DLC1: variants seen among roughly 807,000 people sequenced by gnomAD.
DLC1 encodes DLC1 Rho GTPase activating protein.
A neutral mutation model predicts 140.3 loss-of-function variants in DLC1; 54 were observed. The ratio of observed to expected loss-of-function variants is 0.38; its 90% CI spans 0.31 to 0.48. The LOEUF (loss-of-function observed/expected upper bound fraction) is 0.48. Ranked by LOEUF, DLC1 falls within the 20% of genes least tolerant of loss-of-function variation. DLC1 has a pLI of 0.96. For missense variants in DLC1, 2,536 were observed against 1,907.0 expected, an observed-to-expected ratio of 1.33 and a Z score of -6.14; for synonymous variants, 986 against 728.1, an observed-to-expected ratio of 1.35 and a Z score of -5.70.
In DLC1 at chr8:13,499,801, G is replaced by A. The variant is rs1292972882; in HGVS notation, c.271C>T (p.His91Tyr). The A allele has an allele frequency of 6.2e-7, 1 of 1,613,858 alleles. No individual in the cohort carries two copies. Among genetic ancestry groups the A allele is most frequent in the East Asian group, 2.2e-5 (1 of 44,884 alleles). Residue 91 changes from histidine (H) to tyrosine (Y), a missense_variant, in exon 2 of 18, where the codon CAT becomes TAT. Transcript: ENST00000276297. ...LSKDVDENDS[H>Y]EGEDQFLSLE... is the part of the protein sequence containing the mutation. The stretch of plus-strand genomic sequence containing the variant: ...GAAAGAAACTGATCTTCACCTTCAT[G>A]GCTGTCATTTTCGTCCACATCCTTT...
rs113086450 is a variant in DLC1, at chr8:13,099,327, G to T, written c.2990+20C>A. On this transcript the variant is annotated intron_variant, in intron 9 of 17. Transcript: ENST00000276297. ...TGACCCCCAGTGCCCCACACCCGGAGGCAGGAGAAAAGTTCTTACCTGTTG... is the reference window on the plus strand; with the variant it reads ...TGACCCCCAGTGCCCCACACCCGGATGCAGGAGAAAAGTTCTTACCTGTTG... 123 of 1,603,198 alleles carry T rather than the reference G, an allele frequency of 7.7e-5. No homozygotes were observed. In the African/African-American group the frequency reaches 1.4e-3, roughly 19 times the overall value.
intron 2 of DLC1, among the ~76,000 whole-genome samples, chr8:13,468,234 T>G (rs77291486): frequency 0.095 from 14,403 of 152,200 alleles, 1,099 homozygotes; most frequent in African/African-American, 0.2. Flanking sequence ...TTCAAATTTA[T>G]TAACTTAAAC....
At chr8:13,310,860 A>G (rs1832641177) in intron 4 of DLC1, among the ~76,000 whole-genome samples, 1 of 152,172 alleles carries the variant, frequency 6.6e-6, no homozygotes. Context: ...AGGGATTTAG[A>G]GATCATTCAT....
intron 1 of DLC1, among the ~76,000 whole-genome samples, chr8:13,586,906 T>C (rs531777090): frequency 1.3e-5 from 2 of 152,228 alleles, no homozygotes; most frequent in Admixed American, 1.3e-4. Context: ...CCAGAAACCT[T>C]CAACAACTAA....
chr8:13,471,663 G>A (rs530179687), intron 2 of DLC1, among the ~76,000 whole-genome samples: 106 of 151,906 alleles, frequency 7.0e-4, no homozygotes, highest in Non-Finnish European at 8.8e-4. Context: ...ACAAACCCAC[G>A]CTTGTACCCC....
intron 5 of DLC1, among the ~76,000 whole-genome samples, chr8:13,253,960 C>A (rs189736069): frequency 1.8e-3 from 281 of 152,226 alleles, no homozygotes; most frequent in African/African-American, 6.7e-3. Flanking sequence ...ACTAGAGTAA[C>A]CATCTAACGT....
intron 4 of DLC1, among the ~76,000 whole-genome samples, chr8:13,368,982 C>A (rs999442799): frequency 1.3e-5 from 2 of 152,118 alleles, no homozygotes; most frequent in Non-Finnish European, 2.9e-5. Context: ...CACCACCATG[C>A]CTGGCTAATT....
intron 5 of DLC1, among the ~76,000 whole-genome samples, chr8:13,243,134 A>G (rs942403806): frequency 2.0e-5 from 3 of 151,942 alleles, no homozygotes; most frequent in African/African-American, 7.3e-5. Flanking sequence ...TACTAAAAAT[A>G]CAAAAATTAG....
At chr8:13,459,429 A>G (rs1367886290) in intron 2 of DLC1, among the ~76,000 whole-genome samples, 2 of 152,212 alleles carry the variant, frequency 1.3e-5, no homozygotes, top group African/African-American at 2.4e-5. Flanking sequence ...TAAGTTGTGA[A>G]AGAAAGGTTT....
At chr8:13,548,538 TG>T (rs1405577966) in intron 1 of DLC1, among the ~76,000 whole-genome samples, 1 of 152,056 alleles carries the variant, frequency 6.6e-6, no homozygotes, top group Non-Finnish European at 1.5e-5. Context: ...AATATTTCTA[TG>T]GTTTGAATGT....
intron 1 of DLC1, among the ~76,000 whole-genome samples, chr8:13,551,088 T>TTC (rs201462402): frequency 3.4e-5 from 5 of 146,520 alleles, no homozygotes; most frequent in South Asian, 2.2e-4. Context: ...TTTTTTTTTT[T>TTC]CCAAAGAACA....
chr8:13,432,687 C>G (rs1838936717), intron 2 of DLC1, among the ~76,000 whole-genome samples: 1 of 152,110 alleles, frequency 6.6e-6, no homozygotes, highest in South Asian at 2.1e-4. Flanking sequence ...GAGAAAAAGA[C>G]TCAAATGTTA....
At chr8:13,368,044 C>A (rs1835569618) in intron 4 of DLC1, among the ~76,000 whole-genome samples, 1 of 152,156 alleles carries the variant, frequency 6.6e-6, no homozygotes, top group Non-Finnish European at 1.5e-5. Context: ...GTGTTTAAAG[C>A]AGTGACTACA....
chr8:13,480,595 T>C (rs962926203), intron 2 of DLC1, among the ~76,000 whole-genome samples: 2 of 152,152 alleles, frequency 1.3e-5, no homozygotes, highest in African/African-American at 4.8e-5. Context: ...AGAATACATA[T>C]GCTAAAATCG....
At chr8:13,276,372 G>T (rs144792804) in intron 5 of DLC1, 84,370 of 1,518,620 alleles carry the variant, frequency 0.056, 2,610 homozygotes, top group South Asian at 0.068. Flanking sequence ...CAGGGGGCGC[G>T]CCATCACGTG....
At chr8:13,384,264 T>C (rs891651102) in intron 4 of DLC1, among the ~76,000 whole-genome samples, 1 of 152,170 alleles carries the variant, frequency 6.6e-6, no homozygotes, top group African/African-American at 2.4e-5. Context: ...TAGCAAGTGA[T>C]GTATAGAATA....
At chr8:13,146,552 ATAG>A (rs1212949547) in intron 5 of DLC1, among the ~76,000 whole-genome samples, 4 of 151,788 alleles carry the variant, frequency 2.6e-5, no homozygotes, top group East Asian at 1.9e-4. Flanking sequence ...ATTAATAATA[ATAG>A]TAGTCATAGT....
chr8:13,464,453 AACGCAATC>A (rs564338519), intron 2 of DLC1, among the ~76,000 whole-genome samples: 2 of 151,826 alleles, frequency 1.3e-5, no homozygotes, highest in Non-Finnish European at 2.9e-5. Context: ...TTTATGGTTA[AACGCAATC>A]ACATTTGTTA....
chr8:13,525,234 T>C (rs934463513), intron 1 of DLC1, among the ~76,000 whole-genome samples: 1 of 152,210 alleles, frequency 6.6e-6, no homozygotes, highest in Non-Finnish European at 1.5e-5. Flanking sequence ...AGTCATCTGG[T>C]GATGGACATT....
Sources: gnomAD v4.1 joint callset for allele counts (sites outside exome capture counted in the v4.1 genomes callset) on GRCh38, gnomAD v4.1.1 for gene constraint, MANE v1.5 for transcripts, NCBI Gene and HGNC (gene_info 2026-07-23, HGNC 2026-07-21) for gene names.